CSGALNACT1: variants seen among roughly 807,000 people sequenced by gnomAD.
CSGALNACT1 encodes chondroitin sulfate N-acetylgalactosaminyltransferase 1.
Under a neutral mutation model 51.0 loss-of-function variants are expected in CSGALNACT1, and 52 were observed. The observed-to-expected ratio is 1.02, with a 90% CI of 0.82 to 1.29. The LOEUF is 1.29. Ranked by LOEUF, CSGALNACT1 falls within the 50% of genes most tolerant of loss-of-function variation. CSGALNACT1 has a pLI of 0.00. For synonymous variants in CSGALNACT1, 341 were observed against 254.4 expected (o/e 1.34, Z -3.24); for missense variants, 935 against 679.2 (o/e 1.38, Z -4.19).
chr8:19,655,569 C>T (rs149150974), intron 1 of CSGALNACT1, among the ~76,000 whole-genome samples: 6 of 37,022 alleles, frequency 1.6e-4, no homozygotes, highest in Non-Finnish European at 3.2e-4. Context: ...TACACACACA[C>T]ACACACACAC....
At chr8:19,499,781 G>C (rs151123089) in intron 4 of CSGALNACT1, among the ~76,000 whole-genome samples, 1 of 152,180 alleles carries the variant, frequency 6.6e-6, no homozygotes, top group African/African-American at 2.4e-5. Flanking sequence ...AAATGAAAAT[G>C]TGGGGCCCCT....
chr8:19,621,775 T>A (rs1205602117), intron 1 of CSGALNACT1, among the ~76,000 whole-genome samples: 1 of 152,178 alleles, frequency 6.6e-6, no homozygotes, highest in African/African-American at 2.4e-5. Context: ...AACAAGACGC[T>A]GTCTCTAAAA....
chr8:19,592,763 C>T (rs1056193637), intron 2 of CSGALNACT1, among the ~76,000 whole-genome samples: 4 of 152,100 alleles, frequency 2.6e-5, no homozygotes, highest in South Asian at 2.1e-4. Context: ...AAGACAGACC[C>T]TGTCTCTAAT....
At chr8:19,618,554 C>T (rs111310400) in intron 1 of CSGALNACT1, among the ~76,000 whole-genome samples, 6,167 of 127,600 alleles carry the variant, frequency 0.048, 191 homozygotes, top group Middle Eastern at 0.091. Flanking sequence ...GCAGGAGAAT[C>T]GTTTTAACCT....
intron 3 of CSGALNACT1, among the ~76,000 whole-genome samples, chr8:19,541,671 G>A (rs957148732): frequency 6.7e-6 from 1 of 148,884 alleles, no homozygotes; most frequent in African/African-American, 2.5e-5. Flanking sequence ...AAAGTCCTGG[G>A]ATTACAGGCC....
At chr8:19,406,596 G>C (rs1259809999) in intron 9 of CSGALNACT1, among the ~76,000 whole-genome samples, 4 of 117,822 alleles carry the variant, frequency 3.4e-5, no homozygotes, top group African/African-American at 1.4e-4. Flanking sequence ...ATAAACATGC[G>C]CATAATAATT....
chr8:19,593,999 G>A (rs1187419204), intron 2 of CSGALNACT1, among the ~76,000 whole-genome samples: 2 of 152,126 alleles, frequency 1.3e-5, no homozygotes, highest in Non-Finnish European at 2.9e-5. Context: ...ACTCAGCTGG[G>A]GACATCATGA....
rs111276972 is a variant in CSGALNACT1 at position 19,511,769 on chromosome 8, G to C, written c.-296-5639C>G. On this transcript the variant is annotated intron_variant, in intron 3 of 9. Transcript: ENST00000454498. ...GAGACTGGGTAATTTATAAAGAAAA[G>C]AGGTTTAATTGACTCACAGTTCCAC... Among the ~76,000 whole-genome samples the C allele has an allele frequency of 8.1e-3, 1,227 of 152,294 alleles. 18 individuals carry two copies. The highest frequency in any genetic ancestry group is 0.028 in the African/African-American group (1,182 of 41,556).
upstream of CSGALNACT1, among the ~76,000 whole-genome samples, chr8:19,606,294 T>G (rs948883773): frequency 6.6e-6 from 1 of 152,244 alleles, no homozygotes; most frequent in Non-Finnish European, 1.5e-5. Flanking sequence ...ATGGTAACTT[T>G]TTTATTTCTT....
chr8:19,583,065 A>G (rs1036385368), intron 3 of CSGALNACT1, among the ~76,000 whole-genome samples: 1 of 152,188 alleles, frequency 6.6e-6, no homozygotes, highest in African/African-American at 2.4e-5. Flanking sequence ...TTTTCTTTTT[A>G]CACTTTAAAC....
intron 1 of CSGALNACT1, among the ~76,000 whole-genome samples, chr8:19,655,950 G>C (rs535729497): frequency 3.5e-4 from 53 of 152,142 alleles, no homozygotes; most frequent in Non-Finnish European, 5.4e-4. Flanking sequence ...TTTGGGGTTA[G>C]AATTGGGGGA....
At chr8:19,430,292 A>ACACCTATG (rs1297545374) in intron 6 of CSGALNACT1, among the ~76,000 whole-genome samples, 3 of 152,230 alleles carry the variant, frequency 2.0e-5, no homozygotes, top group African/African-American at 7.2e-5. Flanking sequence ...ATGAAGACTT[A>ACACCTATG]CACCTATGTT....
At chr8:19,628,764 A>C (rs911944016) in intron 1 of CSGALNACT1, among the ~76,000 whole-genome samples, 2 of 151,996 alleles carry the variant, frequency 1.3e-5, no homozygotes, top group Non-Finnish European at 2.9e-5. Flanking sequence ...TACATGCATG[A>C]CCACTGTACC....
intron 2 of CSGALNACT1, among the ~76,000 whole-genome samples, chr8:19,600,399 GTTTAT>G (rs1287244646): frequency 1.3e-5 from 2 of 152,122 alleles, no homozygotes; most frequent in East Asian, 3.9e-4. Context: ...ATTTTGTAAA[GTTTAT>G]TTTGACTGTT....
At chr8:19,635,066 TG>T (rs1392811622) in intron 1 of CSGALNACT1, among the ~76,000 whole-genome samples, 2 of 152,206 alleles carry the variant, frequency 1.3e-5, no homozygotes, top group African/African-American at 4.8e-5. Flanking sequence ...TCTAAATGAT[TG>T]TGTAATTAAG....
chr8:19,514,926 T>C (rs954770914), intron 3 of CSGALNACT1, among the ~76,000 whole-genome samples: 1 of 152,190 alleles, frequency 6.6e-6, no homozygotes, highest in Non-Finnish European at 1.5e-5. Context: ...GTAAAATATT[T>C]TTAAATAATA....
intron 3 of CSGALNACT1, among the ~76,000 whole-genome samples, chr8:19,586,920 T>C (rs1406781123): frequency 6.6e-6 from 1 of 152,196 alleles, no homozygotes; most frequent in Non-Finnish European, 1.5e-5. Flanking sequence ...AAATTCTTCT[T>C]TGAAAAATAT....
chr8:19,542,291 T>A (rs1433220100), intron 3 of CSGALNACT1, among the ~76,000 whole-genome samples: 1 of 151,512 alleles, frequency 6.6e-6, no homozygotes, highest in East Asian at 1.9e-4. Context: ...GCCATTGAAA[T>A]TCCCTATAAA....
intron 1 of CSGALNACT1, among the ~76,000 whole-genome samples, chr8:19,619,085 A>T (rs536020604): frequency 6.6e-6 from 1 of 152,258 alleles, no homozygotes; most frequent in Admixed American, 6.5e-5. Flanking sequence ...ATCAGAAGGC[A>T]GTGGGCTATG....
Sources: allele counts gnomAD v4.1 joint callset (sites outside exome capture counted in the v4.1 genomes callset), GRCh38; gene constraint gnomAD v4.1.1; transcripts MANE v1.5; gene names NCBI Gene and HGNC (gene_info 2026-07-23, HGNC 2026-07-21).